The following STAU1 variants were observed in gnomAD, a reference collection of about 807,000 sequenced individuals.
STAU1 encodes the protein staufen double-stranded RNA binding protein 1, also known as double-stranded RNA-binding protein Staufen homolog 1.
In STAU1, 13 loss-of-function variants were observed where a neutral mutation model predicts 62.9. The ratio of observed to expected loss-of-function variants is 0.21; its 90% CI spans 0.13 to 0.33. The LOEUF (loss-of-function observed/expected upper bound fraction) is 0.33. STAU1 is among the 10% of genes least tolerant of loss of function. The pLI is 1.00. For synonymous variants in STAU1, 269 were observed against 265.1 expected (o/e 1.01, Z -0.14); for missense variants, 571 against 712.1 (o/e 0.80, Z 2.25).
Position 49,117,673 on chromosome 20 carries a change from C to T in STAU1, c.1509+104G>A, listed in dbSNP as rs1303445020. ...CTCCCCAGCCCATCCCTGGACAGAA[C>T]TTGATTTAAGAAAAAAGTACAAAGT... On this transcript the variant is annotated intron_variant, in intron 11 of 13. Transcript: ENST00000371856. The surrounding 1 kb of genome is among the most constrained non-coding windows in gnomAD (Gnocchi z 4.6). 8 of 1,269,736 alleles carry T rather than the reference C, an allele frequency of 6.3e-6. No homozygotes were observed. Among genetic ancestry groups the T allele is most frequent in the Middle Eastern group, 2.7e-4 (1 of 3,680 alleles). The allele number at this position is 1,269,736 out of a possible 1,614,324, so 78.7% of individuals were successfully genotyped here.
intron 6 of STAU1, among the ~76,000 whole-genome samples, chr20:49,126,574 C>CA (rs58056780): frequency 0.18 from 4,517 of 24,712 alleles, 393 homozygotes; most frequent in African/African-American, 0.29. Context: ...TCTCAAAAAG[C>CA]AAAAAAAAAA....
At chr20:49,124,239 CTAAG>C (rs2092538444) in intron 7 of STAU1, 132 bp downstream of exon 7, 4 of 870,262 alleles carry the variant, frequency 4.6e-6, no homozygotes, top group Non-Finnish European at 7.2e-6. Context: ...TGCAGCACCT[CTAAG>C]GGGTCTGGCA....
In STAU1 at chr20:49,134,366, G is replaced by A. The variant is rs1446341277; in HGVS notation, c.609+1467C>T. On this transcript the variant is annotated intron_variant, in intron 6 of 13. Transcript: ENST00000371856. The stretch of plus-strand genomic sequence containing the variant: ...GAATCGCTTGAATCTGGGAGGTGGA[G>A]GTTGCAGTGAGCCGAGAACACACCA... The A allele has an allele frequency of 2.0e-4, 89 of 448,802 alleles. 3 individuals carry two copies. The highest frequency in any genetic ancestry group is 1.9e-3 in the South Asian group (86 of 45,818). 27.8% of individuals were successfully genotyped at this position (448,802 alleles called of 1,614,324 possible).
chr20:49,129,046 C>T (rs1022348202), intron 6 of STAU1, among the ~76,000 whole-genome samples: 1 of 151,536 alleles, frequency 6.6e-6, no homozygotes, highest in African/African-American at 2.4e-5. Flanking sequence ...AAAATATCTG[C>T]AAAATACTTA....
intron 3 of STAU1, among the ~76,000 whole-genome samples, chr20:49,163,398 GT>G (rs2093478577): frequency 7.0e-6 from 1 of 142,070 alleles, no homozygotes. Context: ...ATATTTTTAG[GT>G]ATTTTTCAAG....
chr20:49,144,055 G>C (rs570434713), intron 5 of STAU1, among the ~76,000 whole-genome samples: 1 of 152,310 alleles, frequency 6.6e-6, no homozygotes, highest in East Asian at 1.9e-4. Context: ...CTGTTGAAGA[G>C]AAAGCAGCCA....
chr20:49,153,659 C>T (rs2093299925), intron 4 of STAU1, among the ~76,000 whole-genome samples: 3 of 129,450 alleles, frequency 2.3e-5, no homozygotes, highest in African/African-American at 6.0e-5. Flanking sequence ...TACAGTGAGC[C>T]GAGACTGCAC....
intron 4 of STAU1, among the ~76,000 whole-genome samples, chr20:49,152,461 A>G (rs540915501): frequency 6.7e-6 from 1 of 148,366 alleles, no homozygotes; most frequent in East Asian, 2.0e-4. Context: ...CTCCTGCCTC[A>G]GCCTCCCGAG....
At chr20:49,177,623 G>T (rs1477901590) in intron 1 of STAU1, among the ~76,000 whole-genome samples, 2 of 150,760 alleles carry the variant, frequency 1.3e-5, no homozygotes, top group Non-Finnish European at 3.0e-5. Context: ...AGCTTGCAGT[G>T]AGCCGAGATC....
rs974595114 is a variant in STAU1 at position 49,113,509 on chromosome 20, A to C, written c.*1369T>G. On this transcript the variant is annotated 3_prime_UTR_variant, in exon 14 of 14. Coordinates refer to ENST00000371856, the MANE Select transcript of STAU1 (RefSeq NM_017453.4). Reference sequence around the variant, plus strand: ...CTAGCAGTAGTGGCATTTGAGAATAAATTAACAAAAAAATTTAGTATTACC... The same window carrying C: ...CTAGCAGTAGTGGCATTTGAGAATACATTAACAAAAAAATTTAGTATTACC... The C allele has an allele frequency of 6.6e-6, 1 of 152,664 alleles. No individual in the cohort carries two copies. Among genetic ancestry groups the C allele is most frequent in the African/African-American group, 2.4e-5 (1 of 41,456 alleles). 9.5% of individuals were successfully genotyped at this position (152,664 alleles called of 1,614,324 possible).
chr20:49,206,751 A>ATATT, the STAU1 span, among the ~76,000 whole-genome samples: 88 of 95,034 alleles, frequency 9.3e-4, no homozygotes, highest in Non-Finnish European at 1.7e-3. Context: ...ATATATATAT[A>ATATT]TTTTATTTTA....
chr20:49,115,912 G>A (rs1219671557), intron 12 of STAU1, 45 bp from the exon 13 acceptor site: 9 of 1,561,484 alleles, frequency 5.8e-6, no homozygotes, highest in Non-Finnish European at 7.9e-6. Flanking sequence ...CACCGCTTGG[G>A]ACCACAGCAT....
At chr20:49,133,372 C>G (rs1447816419) in intron 6 of STAU1, among the ~76,000 whole-genome samples, 1 of 152,300 alleles carries the variant, frequency 6.6e-6, no homozygotes, top group East Asian at 1.9e-4. Flanking sequence ...CCCGGGAAGC[C>G]AGCCAGGCAT....
In STAU1 at chr20:49,120,049, A is replaced by G; in HGVS notation, c.1046T>C (p.Leu349Pro). Reference sequence around the variant, plus strand: ...CGGGACTTTGAAACCAAGGATCTCCAGCATGTTCTCGGCTGCATTGCGCTT... The same window carrying G: ...CGGGACTTTGAAACCAAGGATCTCCGGCATGTTCTCGGCTGCATTGCGCTT... ...VAKRNAAENM[L>P]EILGFKVPQA... is the part of the protein sequence containing the mutation. Residue 349 changes from leucine to proline, a missense_variant, in exon 9 of 14, where the codon CTG (leucine) becomes CCG (proline). This residue lies in a region of STAU1 where 414 missense variants were observed against 499.6 expected (regional missense o/e 0.83). Transcript: ENST00000371856. The G allele has an allele frequency of 6.2e-7, 1 of 1,614,178 alleles. No individual in the cohort carries two copies. Among genetic ancestry groups the G allele is most frequent in the Non-Finnish European group, 8.5e-7 (1 of 1,180,022 alleles).
intron 4 of STAU1, among the ~76,000 whole-genome samples, chr20:49,152,705 A>G (rs149175570): frequency 2.3e-3 from 349 of 152,232 alleles, no homozygotes; most frequent in Non-Finnish European, 3.2e-3. Context: ...GTTTCAATTA[A>G]TATTTTATTG....
At chr20:49,155,609 G>A (rs1296494068) in intron 3 of STAU1, among the ~76,000 whole-genome samples, 5 of 152,152 alleles carry the variant, frequency 3.3e-5, no homozygotes, top group Non-Finnish European at 7.3e-5. Context: ...ACCTGATTCT[G>A]TACTATAACT....
At chr20:49,145,086 A>G (rs909058254) in intron 5 of STAU1, among the ~76,000 whole-genome samples, 3 of 152,180 alleles carry the variant, frequency 2.0e-5, no homozygotes, top group African/African-American at 7.2e-5. Context: ...AAAGAATACA[A>G]CTCATGCAAT....
chr20:49,117,743 G>C lies in STAU1; in HGVS notation c.1509+34C>G, dbSNP rs769551822. On this transcript the variant is annotated intron_variant, in intron 11 of 13. Coordinates refer to ENST00000371856, the MANE Select transcript of STAU1 (RefSeq NM_017453.4). This position sits in a 1 kb window ranked among gnomAD's most constrained non-coding sequence, Gnocchi z 4.6. ...AGAAGCCAAAAGATGACTGTCCTGA[G>C]GCACAGCCATCACAGCTCAGGCCAG... 1.9e-5 allele frequency: 29 copies of C among 1,562,194 alleles called. 1 individual carries two copies. Among genetic ancestry groups the C allele is most frequent in the Admixed American group, 1.3e-4 (7 of 55,240 alleles).
chr20:49,126,588 C>CAAACAA (rs1555837252), intron 6 of STAU1, among the ~76,000 whole-genome samples: 1 of 56,380 alleles, frequency 1.8e-5, no homozygotes, highest in African/African-American at 6.3e-5. Context: ...AAAAAAAAAA[C>CAAACAA]AAAAAAAAAA....
Sources: allele counts gnomAD v4.1 joint callset (sites outside exome capture counted in the v4.1 genomes callset), GRCh38; gene constraint gnomAD v4.1.1; regional missense constraint gnomAD v4.1.1; non-coding constraint Gnocchi (gnomAD v3.1); transcripts MANE v1.5; gene names NCBI Gene and HGNC (gene_info 2026-07-23, HGNC 2026-07-21).